The following SGK1 variants were observed in gnomAD, a reference collection of about 807,000 sequenced individuals.
SGK1 encodes serum/glucocorticoid regulated kinase 1, also known as serine/threonine-protein kinase Sgk1.
A neutral mutation model predicts 64.2 loss-of-function variants in SGK1; 26 were observed. The ratio of observed to expected loss-of-function variants is 0.40; its 90% CI spans 0.30 to 0.56. SGK1 has a LOEUF of 0.56. Among genes scored for constraint, SGK1 ranks in the 20% least tolerant of loss-of-function variants. The pLI, the probability that SGK1 is intolerant of heterozygous loss-of-function variation, is 0.38. For missense variants in SGK1, 519 were observed against 645.6 expected (o/e 0.80, Z 2.12); for synonymous variants, 265 against 239.7 (o/e 1.11, Z -0.98).
At chr6:134,232,421 A>AAG (rs762251415) in intron 2 of SGK1, among the ~76,000 whole-genome samples, 2 of 44,446 alleles carry the variant, frequency 4.5e-5, no homozygotes, top group East Asian at 7.0e-4. Flanking sequence ...AAGAGAAAGA[A>AAG]AGAAAGAAAG....
At chr6:134,316,816 T>C (rs535822338) in intron 1 of SGK1, among the ~76,000 whole-genome samples, 221 of 114,498 alleles carry the variant, frequency 1.9e-3, no homozygotes, top group Non-Finnish European at 2.0e-3. Flanking sequence ...CAACTTAAAA[T>C]AGACAATTTT....
At chr6:134,212,053 TTTTTTG>T (rs371353746) in intron 2 of SGK1, among the ~76,000 whole-genome samples, 11,425 of 87,868 alleles carry the variant, frequency 0.13, 620 homozygotes, top group African/African-American at 0.18. Flanking sequence ...TTGTTTTTTG[TTTTTTG>T]TTTTTTTTGG....
chr6:134,173,406 A>C (rs901450411), intron 6 of SGK1, 49 bp from the exon 7 acceptor site: 2 of 1,579,062 alleles, frequency 1.3e-6, no homozygotes, highest in Non-Finnish European at 1.7e-6. Context: ...ATCCAGGGAG[A>C]ATACAAAAGA....
rs1562259760 is a variant in SGK1 at position 134,232,447 on chromosome 6, G to GAAAGAA, written c.286-25022_286-25017dup. On this transcript the variant is annotated intron_variant, in intron 2 of 13. Coordinates refer to ENST00000367858, the MANE Select transcript of SGK1 (RefSeq NM_001143676.3). Reference sequence around the variant, plus strand: ...AGAAAGAAAGAAAGAAAGAAAGAAAGAAAGAAAGAAAGAAAGAAAGAAAGA... The same window carrying GAAAGAA: ...AGAAAGAAAGAAAGAAAGAAAGAAAGAAAGAAAAAGAAAGAAAGAAAGAAAGAAAGA... Among the ~76,000 whole-genome samples the GAAAGAA allele has an allele frequency of 2.6e-4, 9 of 34,910 alleles. 1 individual carries two copies. Among genetic ancestry groups the GAAAGAA allele is most frequent in the Non-Finnish European group, 5.8e-4 (9 of 15,642 alleles). 22.9% of individuals were successfully genotyped at this position (34,910 alleles called of 152,430 possible). A position where few individuals can be genotyped will look rare whatever the true frequency, so the allele number is the denominator to read the frequency against.
At chr6:134,201,496 G>A (rs1775683810) in intron 3 of SGK1, among the ~76,000 whole-genome samples, 6 of 151,984 alleles carry the variant, frequency 3.9e-5, no homozygotes, top group Admixed American at 3.3e-4. Flanking sequence ...TGAGTAGCTG[G>A]GATTACAGGC....
chr6:134,274,012 CT>C (rs1185125395), intron 1 of SGK1, among the ~76,000 whole-genome samples: 2 of 150,018 alleles, frequency 1.3e-5, no homozygotes, highest in Non-Finnish European at 3.0e-5. Flanking sequence ...TTTTCTTTTT[CT>C]TTTTTTTTGA....
At chr6:134,174,479 C>G (rs183124427) in intron 4 of SGK1, 32 bp downstream of exon 4, 1 of 1,524,508 alleles carries the variant, frequency 6.6e-7, no homozygotes, top group Admixed American at 1.7e-5. Context: ...TCAAACTATA[C>G]TAGTTATTTC....
chr6:134,282,123 G>A (rs781245753), intron 1 of SGK1, among the ~76,000 whole-genome samples: 13 of 152,096 alleles, frequency 8.5e-5, no homozygotes, highest in Admixed American at 2.6e-4. Context: ...CCTCTGTCGT[G>A]TTGAGTCAGA....
intron 3 of SGK1, among the ~76,000 whole-genome samples, chr6:134,194,581 C>T (rs530921096): frequency 1.3e-5 from 2 of 150,430 alleles, no homozygotes; most frequent in Non-Finnish European, 2.9e-5. Flanking sequence ...TGCAGTGGCA[C>T]GATCTCGGCT....
chr6:134,234,137 C>G (rs1371830064), intron 2 of SGK1, among the ~76,000 whole-genome samples: 2 of 152,202 alleles, frequency 1.3e-5, no homozygotes, highest in African/African-American at 2.4e-5. Context: ...TGGTGGCTCA[C>G]GCCTGTGATT....
intron 3 of SGK1, among the ~76,000 whole-genome samples, chr6:134,197,954 A>T (rs1775622980): frequency 6.6e-6 from 1 of 152,080 alleles, no homozygotes; most frequent in African/African-American, 2.4e-5. Context: ...AATGTCAGTT[A>T]ACAGGGGGAC....
At chr6:134,297,831 TC>T in intron 1 of SGK1, 1 of 706,158 alleles carries the variant, frequency 1.4e-6, no homozygotes, top group South Asian at 1.5e-5. Context: ...CTGCAGGTCA[TC>T]CCCGTGCTTC....
intron 1 of SGK1, among the ~76,000 whole-genome samples, chr6:134,309,687 C>G (rs1777583735): frequency 6.6e-6 from 1 of 152,140 alleles, no homozygotes; most frequent in African/African-American, 2.4e-5. Context: ...TCTTGAGCCC[C>G]ATAGAATGGA....
chr6:134,313,789 G>A (rs1331815341), intron 1 of SGK1, among the ~76,000 whole-genome samples: 1 of 152,074 alleles, frequency 6.6e-6, no homozygotes, highest in Non-Finnish European at 1.5e-5. Context: ...CACATACCTT[G>A]TGTATTTCCA....
intron 3 of SGK1, among the ~76,000 whole-genome samples, chr6:134,176,924 C>T (rs1775248483): frequency 6.6e-6 from 1 of 152,152 alleles, no homozygotes; most frequent in East Asian, 1.9e-4. Context: ...TTATAAAAAG[C>T]ATTTACTGGG....
intron 1 of SGK1, among the ~76,000 whole-genome samples, chr6:134,293,986 A>G (rs1265687446): frequency 6.6e-6 from 1 of 152,196 alleles, no homozygotes; most frequent in African/African-American, 2.4e-5. Flanking sequence ...CACACATGAG[A>G]AAAGGTTCAC....
At chr6:134,173,856 TTAAA>T in intron 5 of SGK1, 145 bp downstream of exon 5, 1 of 652,034 alleles carries the variant, frequency 1.5e-6, no homozygotes, top group Non-Finnish European at 2.7e-6. Flanking sequence ...GACTCAATAC[TTAAA>T]TATTTATATC....
intron 3 of SGK1, among the ~76,000 whole-genome samples, chr6:134,197,380 C>T (rs1450074745): frequency 1.3e-5 from 2 of 151,916 alleles, no homozygotes; most frequent in East Asian, 3.9e-4. Context: ...TTCTGTCTAC[C>T]CAAAGGTGTT....
chr6:134,174,492 C>G lies in SGK1; in HGVS notation c.437+19G>C, dbSNP rs781110249. The G allele has an allele frequency of 4.4e-6, 7 of 1,595,376 alleles. No individual in the cohort carries two copies. Among genetic ancestry groups the G allele is most frequent in the Non-Finnish European group, 6.0e-6 (7 of 1,163,266 alleles). ...ATTCAAACTATACTAGTTATTTCCT[C>G]AAATCCGGTCAAACTTACTGTTTGC... On this transcript the variant is annotated intron_variant, in intron 4 of 13. Transcript: ENST00000367858.
Sources: gnomAD v4.1 joint callset for allele counts (sites outside exome capture counted in the v4.1 genomes callset) on GRCh38, gnomAD v4.1.1 for gene constraint, MANE v1.5 for transcripts, NCBI Gene and HGNC (gene_info 2026-07-23, HGNC 2026-07-21) for gene names.